Variants in DTWD2 observed in about 807,000 individuals in gnomAD.
DTWD2 encodes the protein DTW motif tRNA-uridine aminocarboxypropyltransferase 2, also known as tRNA-uridine aminocarboxypropyltransferase 2.
In DTWD2, 39 loss-of-function variants were observed where a neutral mutation model predicts 31.8. The observed-to-expected ratio is 1.22, with a 90% CI of 0.95 to 1.60. DTWD2 has a LOEUF of 1.60. Among genes scored for constraint, DTWD2 ranks in the 40% most tolerant of loss-of-function variants. The pLI is 0.00. For missense variants in DTWD2, 515 were observed against 381.5 expected (o/e 1.35, Z -2.92); for synonymous variants, 180 against 142.8 (o/e 1.26, Z -1.86).
chr5:118,943,184 G>T (rs1754245392), intron 2 of DTWD2, among the ~76,000 whole-genome samples: 2 of 152,148 alleles, frequency 1.3e-5, no homozygotes, highest in African/African-American at 2.4e-5. Context: ...AATGTTTTAA[G>T]TTTAATTGAA....
At chr5:118,965,382 G>C (rs1218600121) in intron 1 of DTWD2, among the ~76,000 whole-genome samples, 1 of 152,072 alleles carries the variant, frequency 6.6e-6, no homozygotes, top group Non-Finnish European at 1.5e-5. Flanking sequence ...CTTCTGGGAA[G>C]TGAGGAGCCC....
chr5:118,840,465 A>G lies in DTWD2; in HGVS notation c.*452T>C, dbSNP rs911229019. 2 of 152,234 alleles carry G rather than the reference A, an allele frequency of 1.3e-5. No individual in the cohort carries two copies. Among genetic ancestry groups the G allele is most frequent in the Admixed American group, 6.5e-5 (1 of 15,286 alleles). 9.4% of individuals were successfully genotyped at this position (152,234 alleles called of 1,614,324 possible). On this transcript the variant is annotated 3_prime_UTR_variant, in exon 6 of 6. Transcript: ENST00000510708. ...CAAAATAATAAATTACTTGATTATC[A>G]TAATTTTCTTTTGCTACTTATTTCA...
chr5:118,852,972 C>A (rs1752045796), intron 4 of DTWD2, among the ~76,000 whole-genome samples: 1 of 152,082 alleles, frequency 6.6e-6, no homozygotes, highest in African/African-American at 2.4e-5. Context: ...AACAGAAAAC[C>A]AAACCACATG....
At chr5:118,921,726 C>T (rs985968000) in intron 4 of DTWD2, among the ~76,000 whole-genome samples, 2 of 151,984 alleles carry the variant, frequency 1.3e-5, no homozygotes, top group East Asian at 3.9e-4. Context: ...AGTCACTTAA[C>T]GAACAGTAAG....
intron 1 of DTWD2, among the ~76,000 whole-genome samples, chr5:118,945,774 A>AAAAAG (rs1336464124): frequency 7.4e-6 from 1 of 134,262 alleles, no homozygotes; most frequent in Non-Finnish European, 1.6e-5. Context: ...CAAAAAAAAA[A>AAAAAG]AAAGAAAGAA....
chr5:118,870,686 C>G (rs1351509079), intron 4 of DTWD2, among the ~76,000 whole-genome samples: 2 of 152,108 alleles, frequency 1.3e-5, no homozygotes, highest in Non-Finnish European at 2.9e-5. Flanking sequence ...GCTAACTGAT[C>G]AGAGTGGAGG....
At chr5:118,871,133 G>T (rs1320207758) in intron 4 of DTWD2, among the ~76,000 whole-genome samples, 1 of 152,016 alleles carries the variant, frequency 6.6e-6, no homozygotes, top group East Asian at 1.9e-4. Flanking sequence ...TTCATAAGAA[G>T]CAAATCCTCA....
At chr5:118,922,099 C>T (rs1340404193) in intron 4 of DTWD2, among the ~76,000 whole-genome samples, 1 of 152,130 alleles carries the variant, frequency 6.6e-6, no homozygotes, top group East Asian at 1.9e-4. Context: ...CCATATTCAC[C>T]TTGGATTTAT....
chr5:118,977,117 G>A (rs1405698879), intron 1 of DTWD2, among the ~76,000 whole-genome samples: 1 of 152,120 alleles, frequency 6.6e-6, no homozygotes, highest in East Asian at 1.9e-4. Flanking sequence ...TGCACAAAAA[G>A]CCTTTGATAA....
chr5:118,947,975 A>G (rs1185099508), intron 1 of DTWD2, among the ~76,000 whole-genome samples: 1 of 152,214 alleles, frequency 6.6e-6, no homozygotes, highest in African/African-American at 2.4e-5. Context: ...CTTTAATAAC[A>G]AATGTTGCAT....
chr5:118,859,579 C>T (rs1304364356), intron 4 of DTWD2, among the ~76,000 whole-genome samples: 1 of 152,096 alleles, frequency 6.6e-6, no homozygotes, highest in South Asian at 2.1e-4. Context: ...GTCTTCTTTG[C>T]CCCAGCACCA....
At chr5:118,969,200 G>C (rs772368671) in intron 1 of DTWD2, among the ~76,000 whole-genome samples, 29 of 152,022 alleles carry the variant, frequency 1.9e-4, no homozygotes, top group Admixed American at 1.4e-3. Context: ...GGAGGGGCGG[G>C]GGGGAAGCGG....
chr5:118,900,186 G>C (rs1436118091), intron 4 of DTWD2, among the ~76,000 whole-genome samples: 1 of 152,132 alleles, frequency 6.6e-6, no homozygotes, highest in Non-Finnish European at 1.5e-5. Flanking sequence ...GTGTAGTTTA[G>C]TTTTTACTGC....
chr5:118,986,731 G>C (rs754705751), intron 1 of DTWD2, among the ~76,000 whole-genome samples: 1 of 151,968 alleles, frequency 6.6e-6, no homozygotes, highest in East Asian at 1.9e-4. Flanking sequence ...ATTCTACCTA[G>C]TTAAAGCAAA....
At chr5:118,941,739 C>T (rs550194306) in intron 2 of DTWD2, among the ~76,000 whole-genome samples, 17 of 152,246 alleles carry the variant, frequency 1.1e-4, no homozygotes, top group Middle Eastern at 3.4e-3. Context: ...TTCTAGATCC[C>T]TGAGGAATCG....
At chr5:118,852,266 C>A (rs186048576) in intron 4 of DTWD2, among the ~76,000 whole-genome samples, 22 of 152,048 alleles carry the variant, frequency 1.4e-4, no homozygotes, top group Non-Finnish European at 1.9e-4. Context: ...ATCATTCAAA[C>A]ACATGTTTTA....
At chr5:118,981,324 A>G (rs1755294519) in intron 1 of DTWD2, among the ~76,000 whole-genome samples, 1 of 152,196 alleles carries the variant, frequency 6.6e-6, no homozygotes, top group Admixed American at 6.5e-5. Context: ...CTGTACACTT[A>G]AATGATTAAA....
At chr5:118,845,943 G>A (rs1436149874) in intron 5 of DTWD2, among the ~76,000 whole-genome samples, 6 of 151,916 alleles carry the variant, frequency 3.9e-5, no homozygotes, top group Non-Finnish European at 5.9e-5. Context: ...TAAATGCCTC[G>A]GGTTATATAA....
At chr5:118,844,917 T>C (rs537475401) in intron 5 of DTWD2, among the ~76,000 whole-genome samples, 16 of 152,198 alleles carry the variant, frequency 1.1e-4, no homozygotes, top group African/African-American at 3.4e-4. Context: ...GTGGATCGCT[T>C]AAATCCCCTA....
Sources: gnomAD v4.1 joint callset for allele counts (sites outside exome capture counted in the v4.1 genomes callset) on GRCh38, gnomAD v4.1.1 for gene constraint, MANE v1.5 for transcripts, NCBI Gene and HGNC (gene_info 2026-07-23, HGNC 2026-07-21) for gene names.